The following ITGB3BP variants were observed in gnomAD, a reference collection of about 807,000 sequenced individuals.
The protein encoded by ITGB3BP is centromere protein R.
ITGB3BP carries 27 observed loss-of-function variants against 29.1 expected under a neutral mutation model. The ratio of observed to expected loss-of-function variants is 0.93; its 90% CI spans 0.68 to 1.28. ITGB3BP has a LOEUF of 1.28. ITGB3BP is among the 50% of genes most tolerant of loss of function. The pLI is 0.00. For synonymous variants in ITGB3BP, 61 were observed against 61.4 expected (o/e 0.99, Z 0.03); for missense variants, 192 against 200.2 (o/e 0.96, Z 0.25).
At chr1:63,504,947 A>G (rs1426791949) in intron 2 of ITGB3BP, among the ~76,000 whole-genome samples, 3 of 152,272 alleles carry the variant, frequency 2.0e-5, no homozygotes, top group East Asian at 3.9e-4. Flanking sequence ...ATCGATGTTC[A>G]TCAGGGATAT....
chr1:63,506,687 T>C (rs1646088139), intron 2 of ITGB3BP, among the ~76,000 whole-genome samples: 2 of 152,116 alleles, frequency 1.3e-5, no homozygotes. Flanking sequence ...GTTCCAAATA[T>C]CTCTGGATAT....
At chr1:63,460,108 T>C (rs921285095) in intron 4 of ITGB3BP, among the ~76,000 whole-genome samples, 2 of 152,190 alleles carry the variant, frequency 1.3e-5, no homozygotes, top group African/African-American at 4.8e-5. Context: ...TCCGTTCAGC[T>C]TAAAATTTTT....
chr1:63,494,306 A>T (rs1645735236), intron 2 of ITGB3BP, among the ~76,000 whole-genome samples: 1 of 152,172 alleles, frequency 6.6e-6, no homozygotes, highest in Admixed American at 6.5e-5. Context: ...TTTAGTAGAG[A>T]CAAGGTTTCA....
intron 4 of ITGB3BP, among the ~76,000 whole-genome samples, chr1:63,473,458 G>A (rs1304047504): frequency 1.4e-4 from 20 of 141,858 alleles, no homozygotes; most frequent in Non-Finnish European, 2.3e-4. Context: ...CAGTCGCCCC[G>A]TCCAGGAGGG....
At chr1:63,499,682 C>G (rs1030995997) in intron 2 of ITGB3BP, among the ~76,000 whole-genome samples, 1 of 152,110 alleles carries the variant, frequency 6.6e-6, no homozygotes, top group African/African-American at 2.4e-5. Flanking sequence ...GTTGGTTCAA[C>G]ATACAAATAT....
At position 63,454,900 on chromosome 1, in the gene ITGB3BP, C is replaced by CT; in HGVS notation, c.322dup (p.Ser108LysfsTer2). On this transcript the variant is annotated frameshift_variant, in exon 5 of 9. Coordinates refer to ENST00000271002, the MANE Select transcript of ITGB3BP (RefSeq NM_014288.5). LOFTEE classifies it high-confidence loss of function. This position sits in a 1 kb window ranked among gnomAD's most constrained non-coding sequence, Gnocchi z 4.1. Reference sequence around the variant, plus strand: ...TGAAAAAATGCAAACCTGTATACTACTTAAATTTTGCATTATCTCCATGAT... The same window carrying CT: ...TGAAAAAATGCAAACCTGTATACTACTTTAAATTTTGCATTATCTCCATGAT... The CT allele has an allele frequency of 6.6e-7, 1 of 1,522,068 alleles. No homozygotes were observed. The highest frequency in any genetic ancestry group is 9.1e-7 in the Non-Finnish European group (1 of 1,098,272). 94.3% of individuals were successfully genotyped at this position (1,522,068 alleles called of 1,614,324 possible).
intron 2 of ITGB3BP, among the ~76,000 whole-genome samples, chr1:63,508,106 A>G (rs1557651984): frequency 6.6e-6 from 1 of 152,200 alleles, no homozygotes; most frequent in Non-Finnish European, 1.5e-5. Flanking sequence ...AGCATAGCTG[A>G]GGAAGGTAAT....
At chr1:63,522,831 CTGTG>C (rs1646486559) in intron 1 of ITGB3BP, 2 of 531,916 alleles carry the variant, frequency 3.8e-6, no homozygotes, top group East Asian at 8.2e-5. Context: ...CTGTCCCATC[CTGTG>C]TGTCAACCTT....
At chr1:63,502,198 G>C (rs1645948736) in intron 2 of ITGB3BP, among the ~76,000 whole-genome samples, 1 of 152,074 alleles carries the variant, frequency 6.6e-6, no homozygotes, top group African/African-American at 2.4e-5. Context: ...AACAATGCTT[G>C]GAGAGCAACA....
intron 3 of ITGB3BP, among the ~76,000 whole-genome samples, chr1:63,485,263 T>A (rs1645504578): frequency 1.3e-5 from 2 of 152,030 alleles, no homozygotes; most frequent in Non-Finnish European, 2.9e-5. Context: ...ATCTTCCCCA[T>A]TTTACAGGCA....
chr1:63,494,189 G>C (rs1021593231), intron 2 of ITGB3BP, among the ~76,000 whole-genome samples: 2 of 151,966 alleles, frequency 1.3e-5, no homozygotes, highest in South Asian at 4.2e-4. Flanking sequence ...TTCCGGACTG[G>C]AGTGCAGTGG....
chr1:63,517,193 A>G (rs191250009), intron 1 of ITGB3BP, among the ~76,000 whole-genome samples: 1 of 151,984 alleles, frequency 6.6e-6, no homozygotes, highest in Non-Finnish European at 1.5e-5. Context: ...AAAAAGAGCA[A>G]AACTTAAAAA....
intron 1 of ITGB3BP, among the ~76,000 whole-genome samples, chr1:63,516,993 A>G (rs552787292): frequency 6.6e-6 from 1 of 152,260 alleles, no homozygotes; most frequent in East Asian, 1.9e-4. Flanking sequence ...TGAGTCTATA[A>G]AAAATAAAAA....
intron 2 of ITGB3BP, among the ~76,000 whole-genome samples, chr1:63,506,627 T>C (rs959174952): frequency 3.3e-5 from 5 of 152,136 alleles, no homozygotes; most frequent in Non-Finnish European, 7.4e-5. Context: ...TCATGAAGCA[T>C]TAATCTCCAT....
intron 2 of ITGB3BP, among the ~76,000 whole-genome samples, chr1:63,492,045 ATATC>A (rs751064850): frequency 8.5e-5 from 13 of 152,152 alleles, no homozygotes; most frequent in African/African-American, 1.4e-4. Context: ...ATGTACATCT[ATATC>A]TATCTGTTTT....
At chr1:63,516,712 GAAAAAA>G (rs60397963) in intron 1 of ITGB3BP, among the ~76,000 whole-genome samples, 1 of 115,918 alleles carries the variant, frequency 8.6e-6, no homozygotes, top group South Asian at 2.8e-4. Flanking sequence ...CTTGTTTCAT[GAAAAAA>G]AAAAAAAAAG....
intron 4 of ITGB3BP, among the ~76,000 whole-genome samples, chr1:63,466,520 C>T (rs375040158): frequency 2.6e-5 from 4 of 152,354 alleles, no homozygotes; most frequent in Admixed American, 6.5e-5. Flanking sequence ...CGTTTCATCA[C>T]GTGCACCAGA....
At chr1:63,518,517 T>G (rs564454346) in intron 1 of ITGB3BP, among the ~76,000 whole-genome samples, 1 of 152,270 alleles carries the variant, frequency 6.6e-6, no homozygotes, top group Admixed American at 6.5e-5. Flanking sequence ...ATTTACCCTT[T>G]CATTCTGGAT....
At chr1:63,468,530 A>AT (rs1645138886) in intron 4 of ITGB3BP, among the ~76,000 whole-genome samples, 1 of 151,884 alleles carries the variant, frequency 6.6e-6, no homozygotes, top group Admixed American at 6.6e-5. Flanking sequence ...TATCAAGACT[A>AT]TCCTGGCCCA....
Sources: allele counts gnomAD v4.1 joint callset (sites outside exome capture counted in the v4.1 genomes callset), GRCh38; gene constraint gnomAD v4.1.1; non-coding constraint Gnocchi (gnomAD v3.1); transcripts MANE v1.5; gene names NCBI Gene and HGNC (gene_info 2026-07-23, HGNC 2026-07-21).